Variants in SLC2A10 observed in about 807,000 individuals in gnomAD.
SLC2A10 encodes the protein solute carrier family 2 member 10.
A neutral mutation model predicts 32.1 loss-of-function variants in SLC2A10; 25 were observed. The observed-to-expected ratio is 0.78, with a 90% confidence interval of 0.57 to 1.09. SLC2A10 has a LOEUF of 1.09. SLC2A10 is among the 50% of genes least tolerant of loss of function. SLC2A10 has a pLI of 0.00. For missense variants in SLC2A10, 673 were observed against 686.5 expected, an observed-to-expected ratio of 0.98 and a Z score of 0.22; for synonymous variants, 332 against 309.6, an observed-to-expected ratio of 1.07 and a Z score of -0.76.
In SLC2A10 at chr20:46,713,573, G is replaced by A. The variant is rs143724833; in HGVS notation, c.4+3833G>A. 2.7e-3 allele frequency among the ~76,000 whole-genome samples: 417 copies of A among 152,276 alleles called. 4 individuals carry two copies. The highest frequency in any genetic ancestry group is 8.9e-3 in the African/African-American group (369 of 41,532). On this transcript the variant is annotated intron_variant, in intron 1 of 4. Transcript: ENST00000359271. ...GATCCTGCAGAGTCTTGAAGGCCAC[G>A]GTGAGGACGTTGGCTTTTCTTAGAC...
rs112821000 is a variant in SLC2A10, at chr20:46,733,890, A to G, written c.*56A>G. 4.3e-3 allele frequency: 6,677 copies of G among 1,542,242 alleles called. 190 individuals carry two copies. The African/African-American group carries it at 0.067, about 15-fold the overall frequency. On this transcript the variant is annotated 3_prime_UTR_variant, in exon 5 of 5. Coordinates refer to ENST00000359271, the MANE Select transcript of SLC2A10 (RefSeq NM_030777.4). ...GTGGCTTTGGCAGACCATCTCCAGC[A>G]TCCTGCTTCCTAGGCCCCAGAGCAC...
chr20:46,728,455 C>T (rs200037627), intron 3 of SLC2A10, among the ~76,000 whole-genome samples: 2 of 152,044 alleles, frequency 1.3e-5, no homozygotes, highest in East Asian at 1.9e-4. Flanking sequence ...GTTCTGAGAC[C>T]CACCGGAGGC....
In SLC2A10 at chr20:46,725,677, C is replaced by T. The variant is rs1472784675; in HGVS notation, c.641C>T (p.Pro214Leu). 6.2e-6 allele frequency: 10 copies of T among 1,613,910 alleles called. No homozygotes were observed. Among genetic ancestry groups the T allele is most frequent in the Admixed American group, 3.3e-5 (2 of 60,010 alleles). ...GCCCCCAAGCTGGGCCCGGGGAGGC[C>T]ACGGTACTCCTTTCTGGACCTCTTC... ...GEAPKLGPGR[P>L]RYSFLDLFRA... Residue 214 changes from proline to leucine, a missense_variant, in exon 2 of 5, where the codon CCA (proline) becomes CTA (leucine). Pro to Leu is a moderately conservative substitution (Grantham distance 98). Transcript: ENST00000359271.
intron 1 of SLC2A10, among the ~76,000 whole-genome samples, chr20:46,717,973 A>C (rs1191586035): frequency 1.3e-5 from 2 of 152,084 alleles, no homozygotes; most frequent in African/African-American, 4.8e-5. Context: ...TGTAATCCCA[A>C]CACTTTGGGA....
At chr20:46,721,399 TA>T (rs1979544915) in intron 1 of SLC2A10, among the ~76,000 whole-genome samples, 1 of 139,798 alleles carries the variant, frequency 7.2e-6, no homozygotes, top group African/African-American at 2.7e-5. Context: ...TATATATGTG[TA>T]AAAATGACTT....
intron 1 of SLC2A10, among the ~76,000 whole-genome samples, chr20:46,710,882 T>C (rs1978870016): frequency 6.6e-6 from 1 of 151,390 alleles, no homozygotes; most frequent in Non-Finnish European, 1.5e-5. Flanking sequence ...CTTTTCTTTT[T>C]TTTTTCTTTT....
Position 46,725,352 on chromosome 20 carries a change from G to A in SLC2A10, c.316G>A (p.Ala106Thr), listed in dbSNP as rs6094438. 122 of 1,614,084 alleles carry A rather than the reference G, an allele frequency of 7.6e-5. No individual in the cohort carries two copies. The highest frequency in any genetic ancestry group is 1.1e-4 in the African/African-American group (8 of 75,066). Residue 106 changes from alanine (A) to threonine (T), a missense_variant, in exon 2 of 5, where the codon GCT (alanine) becomes ACT (threonine). Ala to Thr is a moderately conservative substitution (Grantham distance 58). Coordinates refer to ENST00000359271, the MANE Select transcript of SLC2A10 (RefSeq NM_030777.4). ...GSLAWLVLGR[A>T]VVGFAISLSS... ...CCTGGCCTGGCTGGTCCTGGGCCGCGCTGTGGTTGGCTTCGCCATTTCCCT... is the reference window on the plus strand; with the variant it reads ...CCTGGCCTGGCTGGTCCTGGGCCGCACTGTGGTTGGCTTCGCCATTTCCCT...
At chr20:46,710,849 A>G (rs544341303) in intron 1 of SLC2A10, among the ~76,000 whole-genome samples, 8 of 151,550 alleles carry the variant, frequency 5.3e-5, no homozygotes, top group African/African-American at 1.7e-4. Flanking sequence ...TTTAAGCTGG[A>G]GCGGGGCCGT....
intron 1 of SLC2A10, among the ~76,000 whole-genome samples, chr20:46,715,685 A>T (rs906152981): frequency 5.3e-5 from 8 of 152,108 alleles, no homozygotes; most frequent in African/African-American, 1.9e-4. Flanking sequence ...CTGCACAAAA[A>T]CTGCCTAACA....
chr20:46,733,665 T>A lies in SLC2A10; in HGVS notation c.1548-91T>A, dbSNP rs992806106. On this transcript the variant is annotated intron_variant, in intron 4 of 4. Coordinates refer to ENST00000359271, the MANE Select transcript of SLC2A10 (RefSeq NM_030777.4). ...GTCATGGTAGGAGTGAAGGTGGGAT[T>A]GGGTGGTGGGAACCCCAGTGGAAGG... The A allele has an allele frequency of 2.8e-5, 27 of 950,196 alleles. No homozygotes were observed. In the South Asian group the frequency reaches 3.5e-4, roughly 12 times the overall value. The allele number at this position is 950,196 out of a possible 1,614,324, so 58.9% of individuals were successfully genotyped here.
chr20:46,725,135 G>A lies in SLC2A10; in HGVS notation c.99G>A (p.Leu33=). The A allele has an allele frequency of 6.2e-7, 1 of 1,614,212 alleles. No homozygotes were observed. Among genetic ancestry groups the A allele is most frequent in the Non-Finnish European group, 8.5e-7 (1 of 1,180,042 alleles). Residue 33 remains leucine (L), a synonymous_variant, in exon 2 of 5, where the codon CTG becomes CTA. Transcript: ENST00000359271. ...GYELAVISGA[L]LPLQLDFGLS... ...AACTGGCAGTCATATCAGGTGCCCTGCTGCCACTGCAGCTTGACTTTGGGC... is the reference window on the plus strand; with the variant it reads ...AACTGGCAGTCATATCAGGTGCCCTACTGCCACTGCAGCTTGACTTTGGGC...
intron 3 of SLC2A10, 86 bp downstream of exon 3, chr20:46,727,072 T>A (rs1980016677): frequency 3.4e-6 from 5 of 1,490,200 alleles, no homozygotes. Context: ...TTCCTATGTA[T>A]TAGCTGCAGA....
chr20:46,732,185 G>A (rs1328361815), intron 4 of SLC2A10, among the ~76,000 whole-genome samples: 2 of 152,182 alleles, frequency 1.3e-5, no homozygotes, highest in African/African-American at 4.8e-5. Context: ...GGCTCAAATC[G>A]TCTTACATCA....
At chr20:46,717,537 C>G (rs756766807) in intron 1 of SLC2A10, among the ~76,000 whole-genome samples, 2 of 152,140 alleles carry the variant, frequency 1.3e-5, no homozygotes, top group Non-Finnish European at 2.9e-5. Flanking sequence ...AGGCGCCCAC[C>G]ACCACGCCAG....
chr20:46,723,939 G>T (rs1199810922), intron 1 of SLC2A10, among the ~76,000 whole-genome samples: 1 of 152,192 alleles, frequency 6.6e-6, no homozygotes, highest in Non-Finnish European at 1.5e-5. Flanking sequence ...ACAGATTCTG[G>T]CATTTAGTAA....
At chr20:46,731,774 C>G (rs544203794) in intron 4 of SLC2A10, among the ~76,000 whole-genome samples, 2 of 152,276 alleles carry the variant, frequency 1.3e-5, no homozygotes, top group East Asian at 3.9e-4. Flanking sequence ...GAGAGAGAAA[C>G]TCGACTTTAG....
chr20:46,724,845 A>AG, intron 1 of SLC2A10, among the ~76,000 whole-genome samples, 196 bp from the exon 2 acceptor site: 1 of 139,506 alleles, frequency 7.2e-6, no homozygotes. Flanking sequence ...GGATGGATGG[A>AG]TGGTTGAATT....
intron 3 of SLC2A10, 89 bp from the exon 4 acceptor site, chr20:46,729,264 C>T (rs1600671502): frequency 1.3e-6 from 2 of 1,551,666 alleles, no homozygotes; most frequent in African/African-American, 1.4e-5. Flanking sequence ...ACTGACTTTC[C>T]ATGCCTGACC....
intron 1 of SLC2A10, 79 bp downstream of exon 1, chr20:46,709,819 G>A: frequency 6.6e-7 from 1 of 1,511,662 alleles, no homozygotes; most frequent in South Asian, 1.2e-5. Flanking sequence ...GCTCCCCTAA[G>A]AGTGCGCGCC....
Sources: gnomAD v4.1 joint callset for allele counts (sites outside exome capture counted in the v4.1 genomes callset) on GRCh38, gnomAD v4.1.1 for gene constraint, MANE v1.5 for transcripts, NCBI Gene and HGNC (gene_info 2026-07-23, HGNC 2026-07-21) for gene names.